B3GALT1: variants seen among roughly 807,000 people sequenced by gnomAD.
B3GALT1 encodes UDP-Gal:betaGlcNAc beta 1,3-galactosyltransferase, polypeptide 1.
Under a neutral mutation model 23.2 loss-of-function variants are expected in B3GALT1, and 10 were observed. The ratio of observed to expected loss-of-function variants is 0.43; its 90% CI spans 0.27 to 0.73. The LOEUF (loss-of-function observed/expected upper bound fraction) is 0.73, where lower values mean the gene tolerates loss of function less well. B3GALT1 is among the 30% of genes least tolerant of loss of function. The probability of loss-of-function intolerance (pLI) is 0.21; values close to 1 mark genes in which losing one functional copy is unlikely to be tolerated. For synonymous variants in B3GALT1, 156 were observed against 141.5 expected (o/e 1.10, Z -0.73); for missense variants, 299 against 405.4 (o/e 0.74, Z 2.25).
chr2:167,472,695 T>G (rs1210359350), intron 1 of B3GALT1, among the ~76,000 whole-genome samples: 1 of 152,044 alleles, frequency 6.6e-6, no homozygotes, highest in Non-Finnish European at 1.5e-5. Flanking sequence ...TTTGTCAGAG[T>G]CTTTGCCTCA....
At chr2:167,471,110 A>G (rs1158020978) in intron 1 of B3GALT1, among the ~76,000 whole-genome samples, 1 of 152,222 alleles carries the variant, frequency 6.6e-6, no homozygotes, top group African/African-American at 2.4e-5. Context: ...AGATAAGCAG[A>G]ATGCTGGATC....
intron 1 of B3GALT1, among the ~76,000 whole-genome samples, chr2:167,489,590 T>C (rs982676673): frequency 6.6e-6 from 1 of 152,178 alleles, no homozygotes; most frequent in Non-Finnish European, 1.5e-5. Context: ...GAAGGCTATC[T>C]TATAGAACAT....
chr2:167,587,841 T>C (rs903639830), intron 2 of B3GALT1, among the ~76,000 whole-genome samples: 10 of 152,186 alleles, frequency 6.6e-5, no homozygotes, highest in African/African-American at 2.2e-4. Context: ...ATTTTATCTC[T>C]AAAAAATATT....
At chr2:167,469,658 A>G (rs1035670446) in intron 1 of B3GALT1, among the ~76,000 whole-genome samples, 1 of 152,192 alleles carries the variant, frequency 6.6e-6, no homozygotes, top group African/African-American at 2.4e-5. Flanking sequence ...TTGTAAAGTA[A>G]AAGTTAAAAC....
Position 167,346,705 on chromosome 2 carries a change from C to A in B3GALT1, c.-511+53371C>A, listed in dbSNP as rs1407726811. 2.0e-5 allele frequency among the ~76,000 whole-genome samples: 3 copies of A among 149,952 alleles called. No individual in the cohort carries two copies. In the South Asian group the frequency reaches 6.4e-4, roughly 32 times the overall value. On this transcript the variant is annotated intron_variant, in intron 1 of 4. Transcript: ENST00000392690. ...AAAACTACCATCACATAAAAAGTAT[C>A]AAGTCTGCATGATTAATTTCTGAGT...
intron 1 of B3GALT1, 94 bp downstream of exon 1, chr2:167,293,428 C>A (rs1343868412): frequency 6.6e-6 from 1 of 152,484 alleles, no homozygotes; most frequent in South Asian, 2.1e-4. Flanking sequence ...GGCATCCCGA[C>A]GAAGGTGTTG....
chr2:167,473,976 G>A (rs1363444515), intron 1 of B3GALT1, among the ~76,000 whole-genome samples: 1 of 152,160 alleles, frequency 6.6e-6, no homozygotes, highest in Non-Finnish European at 1.5e-5. Context: ...TATTTACTGG[G>A]AAGATGAAAG....
At chr2:167,582,657 A>G (rs1367626400) in intron 2 of B3GALT1, among the ~76,000 whole-genome samples, 3 of 152,046 alleles carry the variant, frequency 2.0e-5, no homozygotes, top group Non-Finnish European at 4.4e-5. Context: ...GGCACGGCTT[A>G]GGTGATCTAG....
chr2:167,674,994 G>A (rs1686398133), intron 3 of B3GALT1, among the ~76,000 whole-genome samples: 1 of 152,204 alleles, frequency 6.6e-6, no homozygotes, highest in Non-Finnish European at 1.5e-5. Context: ...GACCCTGGAA[G>A]TATGTTTTCC....
chr2:167,388,425 C>T (rs774392710), intron 1 of B3GALT1, among the ~76,000 whole-genome samples: 4 of 152,080 alleles, frequency 2.6e-5, no homozygotes, highest in Non-Finnish European at 4.4e-5. Flanking sequence ...CAGGAAGGCT[C>T]CTGGAGGTTC....
chr2:167,721,967 C>G (rs1687243393), intron 3 of B3GALT1, among the ~76,000 whole-genome samples: 1 of 152,180 alleles, frequency 6.6e-6, no homozygotes, highest in Non-Finnish European at 1.5e-5. Context: ...GATAAATATT[C>G]TGTAATGATG....
chr2:167,403,865 T>C (rs187014800), intron 1 of B3GALT1, among the ~76,000 whole-genome samples: 1 of 152,224 alleles, frequency 6.6e-6, no homozygotes, highest in Admixed American at 6.6e-5. Flanking sequence ...TAAGGCCTGA[T>C]CTTGAAAAGG....
chr2:167,310,732 G>A (rs1389666504), intron 1 of B3GALT1, among the ~76,000 whole-genome samples: 3 of 151,912 alleles, frequency 2.0e-5, no homozygotes, highest in Non-Finnish European at 4.4e-5. Context: ...GGAAGGTGGG[G>A]TAATGTGTTC....
intron 4 of B3GALT1, among the ~76,000 whole-genome samples, chr2:167,819,875 C>G (rs6732120): frequency 0.028 from 4,303 of 152,248 alleles, 200 homozygotes; most frequent in African/African-American, 0.098. Flanking sequence ...GGAGATTTCT[C>G]TAAGGTTTCA....
chr2:167,421,946 T>C (rs1250694054), intron 1 of B3GALT1, among the ~76,000 whole-genome samples: 4 of 152,158 alleles, frequency 2.6e-5, no homozygotes, highest in African/African-American at 7.2e-5. Context: ...TCAAATATTA[T>C]CACACAAAAA....
intron 3 of B3GALT1, among the ~76,000 whole-genome samples, chr2:167,799,011 A>G (rs1294816160): frequency 6.6e-6 from 1 of 152,218 alleles, no homozygotes; most frequent in Non-Finnish European, 1.5e-5. Flanking sequence ...CTGAATGTCA[A>G]GTGAGTTTTC....
At chr2:167,548,758 CTTAAA>C (rs1449872314) in intron 2 of B3GALT1, among the ~76,000 whole-genome samples, 1 of 151,178 alleles carries the variant, frequency 6.6e-6, no homozygotes, top group Non-Finnish European at 1.5e-5. Flanking sequence ...TATCTTAAGT[CTTAAA>C]TTAGATTACT....
chr2:167,452,355 C>G (rs1310091629), intron 1 of B3GALT1, among the ~76,000 whole-genome samples: 1 of 152,222 alleles, frequency 6.6e-6, no homozygotes, highest in East Asian at 1.9e-4. Flanking sequence ...GGGACCAAGA[C>G]AGCCCACAAG....
intron 3 of B3GALT1, among the ~76,000 whole-genome samples, chr2:167,754,397 G>T (rs1214504643): frequency 3.3e-5 from 5 of 152,152 alleles, no homozygotes; most frequent in Non-Finnish European, 5.9e-5. Flanking sequence ...TCCTCTAGAG[G>T]TTTTGATTCA....
Sources: allele counts gnomAD v4.1 joint callset (sites outside exome capture counted in the v4.1 genomes callset), GRCh38; gene constraint gnomAD v4.1.1; transcripts MANE v1.5; gene names NCBI Gene and HGNC (gene_info 2026-07-23, HGNC 2026-07-21).